Variants in CRADD observed in about 807,000 individuals in gnomAD.
CRADD encodes death domain-containing protein CRADD.
In CRADD, 9 loss-of-function variants were observed where a neutral mutation model predicts 15.5. The ratio of observed to expected loss-of-function variants is 0.58; its 90% CI spans 0.35 to 1.01. CRADD has a LOEUF of 1.01. Among genes scored for constraint, CRADD ranks in the 50% least tolerant of loss-of-function variants. The pLI is 0.02. For synonymous variants in CRADD, 118 were observed against 107.6 expected (o/e 1.10, Z -0.60); for missense variants, 227 against 250.3 (o/e 0.91, Z 0.63).
At chr12:93,743,528 G>A (rs1474974408) in intron 2 of CRADD, among the ~76,000 whole-genome samples, 2 of 152,030 alleles carry the variant, frequency 1.3e-5, no homozygotes, top group East Asian at 1.9e-4. Context: ...ATTTGGTTTC[G>A]CCATGTTGCC....
In CRADD at chr12:93,849,982, C is replaced by G. The variant is rs151193706; in HGVS notation, c.311C>G (p.Thr104Ser). Residue 104 changes from threonine (T) to serine (S), a missense_variant, in exon 3 of 3, where the codon ACT becomes AGT. Physicochemically the swap from Thr to Ser is moderately conservative, Grantham distance 58. Coordinates refer to ENST00000332896, the MANE Select transcript of CRADD (RefSeq NM_003805.5). The part of the protein sequence containing the change: ...MTDLPAGDRL[T>S]GIPSHILNSS... ...TTTTCCTCCTCAGGTGACAGATTGA[C>G]TGGGATCCCCTCGCACATCCTCAAC... is the stretch of plus-strand genomic sequence containing the variant. 3.1e-6 allele frequency: 5 copies of G among 1,601,642 alleles called. No homozygotes were observed. The African/African-American group carries it at 5.4e-5, about 17-fold the overall frequency.
Position 93,772,329 on chromosome 12 carries a change from A to G in CRADD, c.299-77641A>G, listed in dbSNP as rs73363120. On this transcript the variant is annotated intron_variant, in intron 2 of 2. Coordinates refer to ENST00000332896, the MANE Select transcript of CRADD (RefSeq NM_003805.5). Reference sequence around the variant, plus strand: ...AAAAGAGTATTGAAGTTGGAAATCTATATTTTGGTTCTTTCATTAGAATGT... The same window carrying G: ...AAAAGAGTATTGAAGTTGGAAATCTGTATTTTGGTTCTTTCATTAGAATGT... Among the ~76,000 whole-genome samples, 293 of 152,336 alleles carry G rather than the reference A, an allele frequency of 1.9e-3. 2 individuals carry two copies. The highest frequency in any genetic ancestry group is 6.0e-3 in the African/African-American group (248 of 41,574).
chr12:93,787,305 G>GTT (rs34146137), intron 2 of CRADD, among the ~76,000 whole-genome samples: 36 of 124,730 alleles, frequency 2.9e-4, no homozygotes, highest in African/African-American at 6.8e-4. Context: ...GTATGACAGG[G>GTT]TTTTTTTTTT....
At chr12:93,793,659 T>G (rs1957377124) in intron 2 of CRADD, among the ~76,000 whole-genome samples, 3 of 152,236 alleles carry the variant, frequency 2.0e-5, no homozygotes, top group African/African-American at 7.2e-5. Flanking sequence ...GTCTGGGATT[T>G]GCTTCAAAAT....
intron 2 of CRADD, among the ~76,000 whole-genome samples, chr12:93,703,309 G>C (rs1955876262): frequency 6.6e-6 from 1 of 151,730 alleles, no homozygotes; most frequent in South Asian, 2.1e-4. Flanking sequence ...AATTTTGGCA[G>C]TCTCCCTTGG....
At chr12:93,729,212 A>G (rs1402553835) in intron 2 of CRADD, among the ~76,000 whole-genome samples, 1 of 152,234 alleles carries the variant, frequency 6.6e-6, no homozygotes, top group East Asian at 1.9e-4. Flanking sequence ...TCAGAATTTC[A>G]GGTTAGGAAT....
intron 2 of CRADD, among the ~76,000 whole-genome samples, chr12:93,841,877 A>G (rs12825423): frequency 0.18 from 27,156 of 152,120 alleles, 2,877 homozygotes; most frequent in Non-Finnish European, 0.24. Flanking sequence ...CACTTACATC[A>G]GTAACAGTGG....
intron 2 of CRADD, among the ~76,000 whole-genome samples, chr12:93,762,328 TC>T (rs1805264280): frequency 6.6e-6 from 1 of 152,236 alleles, no homozygotes; most frequent in African/African-American, 2.4e-5. Context: ...GAAGGCTGCT[TC>T]CTTGTCTTTA....
chr12:93,818,096 T>G (rs1202368291), intron 2 of CRADD, among the ~76,000 whole-genome samples: 1 of 152,162 alleles, frequency 6.6e-6, no homozygotes, highest in Non-Finnish European at 1.5e-5. Flanking sequence ...TGAACCGATG[T>G]ATAAATCAGA....
chr12:93,858,794 G>A (rs907170356), intron 2 of CRADD, among the ~76,000 whole-genome samples: 1 of 152,172 alleles, frequency 6.6e-6, no homozygotes, highest in Non-Finnish European at 1.5e-5. Context: ...AAGAAACTAA[G>A]ACCCTCATCC....
chr12:93,818,872 C>T (rs755528820), intron 2 of CRADD, among the ~76,000 whole-genome samples: 4 of 152,226 alleles, frequency 2.6e-5, no homozygotes, highest in Non-Finnish European at 4.4e-5. Context: ...CCACAGCATT[C>T]GTGCCATAGC....
At chr12:93,845,310 G>T (rs891043633) in intron 2 of CRADD, among the ~76,000 whole-genome samples, 8 of 152,194 alleles carry the variant, frequency 5.3e-5, no homozygotes, top group African/African-American at 1.9e-4. Flanking sequence ...ACATCAGCTT[G>T]CTCTGGGAGA....
At chr12:93,881,926 A>T (rs1958504914) in intron 2 of CRADD, among the ~76,000 whole-genome samples, 1 of 151,900 alleles carries the variant, frequency 6.6e-6, no homozygotes, top group Admixed American at 6.6e-5. Context: ...CAGGAGTTTG[A>T]GACTAACCTG....
intron 2 of CRADD, among the ~76,000 whole-genome samples, chr12:93,706,528 G>A (rs1955956006): frequency 1.3e-5 from 2 of 152,120 alleles, no homozygotes; most frequent in African/African-American, 4.8e-5. Context: ...GAAGGTAGTC[G>A]GGGAGAGGGA....
chr12:93,731,217 G>A (rs1384057099), intron 2 of CRADD, among the ~76,000 whole-genome samples: 1 of 152,226 alleles, frequency 6.6e-6, no homozygotes, highest in Admixed American at 6.5e-5. Context: ...TTTTTCTGCA[G>A]TATTTATTGG....
At chr12:93,885,768 G>A (rs939371123) in intron 2 of CRADD, among the ~76,000 whole-genome samples, 3 of 152,226 alleles carry the variant, frequency 2.0e-5, no homozygotes, top group African/African-American at 7.2e-5. Flanking sequence ...GCCAGGCACA[G>A]TGGCTCACAC....
chr12:93,836,433 G>A, intron 2 of CRADD, among the ~76,000 whole-genome samples: 1 of 152,174 alleles, frequency 6.6e-6, no homozygotes, highest in East Asian at 1.9e-4. Context: ...TTACCCAGAA[G>A]CCTTCTTGGG....
chr12:93,807,650 G>C (rs1200569461), intron 2 of CRADD, among the ~76,000 whole-genome samples: 1 of 152,122 alleles, frequency 6.6e-6, no homozygotes, highest in Non-Finnish European at 1.5e-5. Flanking sequence ...GAATCTATGA[G>C]AGGTAGAGAT....
chr12:93,735,056 A>G (rs989330713), intron 2 of CRADD, among the ~76,000 whole-genome samples: 2 of 152,096 alleles, frequency 1.3e-5, no homozygotes, highest in Non-Finnish European at 2.9e-5. Context: ...GGTAAGCTCC[A>G]TGGGGGCAGA....
Sources: gnomAD v4.1 joint callset for allele counts (sites outside exome capture counted in the v4.1 genomes callset) on GRCh38, gnomAD v4.1.1 for gene constraint, MANE v1.5 for transcripts, NCBI Gene and HGNC (gene_info 2026-07-23, HGNC 2026-07-21) for gene names.